The following FHIT variants were observed in gnomAD, a reference collection of about 807,000 sequenced individuals.
FHIT encodes bis(5'-adenosyl)-triphosphatase.
A neutral mutation model predicts 17.9 loss-of-function variants in FHIT; 19 were observed. The ratio of observed to expected loss-of-function variants is 1.06; its 90% CI spans 0.74 to 1.56. The LOEUF is 1.56. FHIT is among the 40% of genes most tolerant of loss of function. The pLI, the probability that FHIT is intolerant of heterozygous loss-of-function variation, is 0.00. For missense variants in FHIT, 248 were observed against 189.2 expected (o/e 1.31, Z -1.82); for synonymous variants, 81 against 69.7 (o/e 1.16, Z -0.81).
intron 8 of FHIT, among the ~76,000 whole-genome samples, chr3:59,868,103 T>C (rs1309808170): frequency 6.9e-6 from 1 of 145,354 alleles, no homozygotes; most frequent in Non-Finnish European, 1.5e-5. Context: ...AGACTGAACA[T>C]GGCCCTAGCG....
intron 4 of FHIT, among the ~76,000 whole-genome samples, chr3:60,715,143 T>A (rs1466611965): frequency 6.6e-6 from 1 of 151,768 alleles, no homozygotes; most frequent in Non-Finnish European, 1.5e-5. Context: ...TATCTACAAC[T>A]ATCTGATCTT....
At chr3:61,062,988 T>A (rs1209509610) in intron 2 of FHIT, among the ~76,000 whole-genome samples, 1 of 152,104 alleles carries the variant, frequency 6.6e-6, no homozygotes, top group African/African-American at 2.4e-5. Context: ...TTCTTCTTCA[T>A]CATCTTCGTC....
At chr3:60,630,083 G>C (rs1249855928) in intron 4 of FHIT, among the ~76,000 whole-genome samples, 2 of 152,144 alleles carry the variant, frequency 1.3e-5, no homozygotes, top group Non-Finnish European at 2.9e-5. Flanking sequence ...CCCAGAGACT[G>C]GTTCAAACAG....
chr3:59,988,906 A>C, intron 7 of FHIT, among the ~76,000 whole-genome samples: 1 of 152,076 alleles, frequency 6.6e-6, no homozygotes, highest in East Asian at 1.9e-4. Flanking sequence ...TTGCTGAGCT[A>C]CTCTAAGACA....
At chr3:60,086,498 A>C (rs772649632) in intron 5 of FHIT, among the ~76,000 whole-genome samples, 3 of 152,218 alleles carry the variant, frequency 2.0e-5, no homozygotes, top group Non-Finnish European at 2.9e-5. Flanking sequence ...TCTGTGACCC[A>C]AGGTAATTTC....
At chr3:60,720,266 A>G (rs1235565476) in intron 4 of FHIT, among the ~76,000 whole-genome samples, 2 of 152,026 alleles carry the variant, frequency 1.3e-5, no homozygotes, top group Non-Finnish European at 2.9e-5. Context: ...CTCCTTCTCA[A>G]TCTTTAGATG....
intron 8 of FHIT, among the ~76,000 whole-genome samples, chr3:59,777,406 C>T (rs1425123793): frequency 6.6e-6 from 1 of 152,066 alleles, no homozygotes; most frequent in Non-Finnish European, 1.5e-5. Context: ...TTGTAACTCT[C>T]CTACCCTACT....
Position 60,291,743 on chromosome 3 carries a change from A to G in FHIT, c.103+245117T>C, listed in dbSNP as rs115610651. ...TATCCATATTTAGAGTGAGCCTTAA[A>G]TCCAATGACTGGTATCTTTATGAGA... On this transcript the variant is annotated intron_variant, in intron 5 of 9. Coordinates refer to ENST00000492590, the MANE Select transcript of FHIT (RefSeq NM_002012.4). Among the ~76,000 whole-genome samples the G allele has an allele frequency of 4.7e-3, 721 of 152,254 alleles. 13 individuals carry two copies. Among genetic ancestry groups the G allele is most frequent in the African/African-American group, 0.017 (695 of 41,564 alleles).
chr3:60,354,519 C>G (rs1699560744), intron 5 of FHIT, among the ~76,000 whole-genome samples: 2 of 152,082 alleles, frequency 1.3e-5, no homozygotes, highest in South Asian at 4.1e-4. Flanking sequence ...GTTATCAGAA[C>G]AAGAATTCAA....
At chr3:60,515,576 T>TAA (rs67857835) in intron 5 of FHIT, among the ~76,000 whole-genome samples, 1 of 144,142 alleles carries the variant, frequency 6.9e-6, no homozygotes. Flanking sequence ...GGCTTTAATT[T>TAA]AAAAAAAAAA....
intron 5 of FHIT, among the ~76,000 whole-genome samples, chr3:60,496,779 T>C (rs1559492587): frequency 2.0e-5 from 3 of 152,110 alleles, no homozygotes; most frequent in Admixed American, 1.3e-4. Context: ...GGGACTAGAA[T>C]ACAATACAGG....
intron 4 of FHIT, among the ~76,000 whole-genome samples, chr3:60,692,661 AT>A (rs2041019998): frequency 1.3e-5 from 2 of 152,140 alleles, no homozygotes; most frequent in South Asian, 4.1e-4. Flanking sequence ...TAGCCCACTA[AT>A]ATCCATCTAT....
chr3:59,749,539 G>GGCAATA lies in FHIT; in HGVS notation c.*40_*45dup, dbSNP rs1480243198. The GGCAATA allele has an allele frequency of 2.6e-5, 6 of 231,122 alleles. No individual in the cohort carries two copies. The highest frequency in any genetic ancestry group is 1.3e-4 in the African/African-American group (6 of 45,056). The allele number at this position is 231,122 out of a possible 1,614,324, so 14.3% of individuals were successfully genotyped here. A position where few individuals can be genotyped will look rare whatever the true frequency, so the allele number is the denominator to read the frequency against. ...GCGGGGGGCGGTCTTCAAACTGGTT[G>GGCAATA]GCAATAGCTCTTTTGCTGGAATTCA... On this transcript the variant is annotated 3_prime_UTR_variant, in exon 10 of 10. Transcript: ENST00000492590.
At chr3:60,124,049 GAGAGAGAC>G (rs1553691028) in intron 5 of FHIT, among the ~76,000 whole-genome samples, 31 of 109,452 alleles carry the variant, frequency 2.8e-4, no homozygotes, top group Non-Finnish European at 4.6e-4. Flanking sequence ...GAGAGAGAGA[GAGAGAGAC>G]AGAGAGAGAG....
At chr3:60,351,414 C>G (rs567022830) in intron 5 of FHIT, among the ~76,000 whole-genome samples, 8 of 152,122 alleles carry the variant, frequency 5.3e-5, no homozygotes, top group African/African-American at 1.9e-4. Flanking sequence ...TCTGGTGTAA[C>G]TTTATATGCA....
intron 1 of FHIT, among the ~76,000 whole-genome samples, chr3:61,206,776 T>G (rs1057024701): frequency 9.9e-5 from 15 of 151,530 alleles, no homozygotes; most frequent in African/African-American, 3.6e-4. Context: ...AGGGACAATT[T>G]GACTTCCTCT....
At chr3:60,553,279 G>T in intron 4 of FHIT, 1 of 308,746 alleles carries the variant, frequency 3.2e-6, no homozygotes, top group Non-Finnish European at 4.7e-6. Context: ...TGGTCAAATT[G>T]GTTTCATTAT....
At chr3:60,426,894 G>A (rs928283883) in intron 5 of FHIT, among the ~76,000 whole-genome samples, 6 of 152,092 alleles carry the variant, frequency 3.9e-5, no homozygotes, top group African/African-American at 1.4e-4. Context: ...TCTGGTATAT[G>A]TAACCCATAT....
At chr3:60,141,935 A>G (rs1003990149) in intron 5 of FHIT, among the ~76,000 whole-genome samples, 6 of 152,208 alleles carry the variant, frequency 3.9e-5, no homozygotes, top group African/African-American at 1.4e-4. Context: ...TTGGAACGCC[A>G]AGTGTCAGAG....
Sources: allele counts gnomAD v4.1 joint callset (sites outside exome capture counted in the v4.1 genomes callset), GRCh38; gene constraint gnomAD v4.1.1; transcripts MANE v1.5; gene names NCBI Gene and HGNC (gene_info 2026-07-23, HGNC 2026-07-21).